Variants in PALB2 observed in about 807,000 individuals in gnomAD.
PALB2 encodes the protein mutant partner and localizer of BRCA2.
In PALB2, 82 loss-of-function variants were observed where a neutral mutation model predicts 107.4. The observed-to-expected ratio is 0.76, with a 90% CI of 0.64 to 0.92. PALB2 has a LOEUF of 0.92. PALB2 is among the 40% of genes least tolerant of loss of function. The probability of loss-of-function intolerance (pLI) is 0.00; values close to 1 mark genes in which losing one functional copy is unlikely to be tolerated. For missense variants in PALB2, 1,374 were observed against 1,379.9 expected (o/e 1.00, Z 0.07); for synonymous variants, 489 against 496.8 (o/e 0.98, Z 0.21).
chr16:23,639,807 G>C (rs1049324296), intron 1 of PALB2, among the ~76,000 whole-genome samples: 2 of 115,528 alleles, frequency 1.7e-5, no homozygotes, highest in South Asian at 5.2e-4. Flanking sequence ...GAGATAGAGC[G>C]GAGAGTCTGT....
At chr16:23,622,547 T>A (rs987352484) in intron 9 of PALB2, among the ~76,000 whole-genome samples, 1 of 152,082 alleles carries the variant, frequency 6.6e-6, no homozygotes, top group Non-Finnish European at 1.5e-5. Flanking sequence ...AGGCATGCTC[T>A]GCCACACCCA....
intron 3 of PALB2, among the ~76,000 whole-genome samples, chr16:23,637,571 T>C (rs1967091678): frequency 6.6e-6 from 1 of 151,586 alleles, no homozygotes; most frequent in Non-Finnish European, 1.5e-5. Context: ...GGTGTGGTAG[T>C]GCACGTGCCT....
Position 23,635,490 on chromosome 16 carries a change from C to CTCTGTTTGA in PALB2, c.1047_1055dup (p.Thr351_Glu352insAspGlnThr). 1 of 1,614,026 alleles carries CTCTGTTTGA rather than the reference C, an allele frequency of 6.2e-7. No individual in the cohort carries two copies. The highest frequency in any genetic ancestry group is 1.1e-5 in the South Asian group (1 of 91,074). On this transcript the variant is annotated inframe_insertion, in exon 4 of 13. Transcript: ENST00000261584. ...TGTCACTGGGAGATTTTAAAGATTTCTCTGTTTGATTTTGTTCTTTTAAGT... is the reference window on the plus strand; with the variant it reads ...TGTCACTGGGAGATTTTAAAGATTTCTCTGTTTGATCTGTTTGATTTTGTTCTTTTAAGT...
chr16:23,640,970 C>A, intron 1 of PALB2, 140 bp downstream of exon 1: 1 of 925,138 alleles, frequency 1.1e-6, no homozygotes, highest in Non-Finnish European at 1.6e-6. Context: ...TTTTCATTTT[C>A]TGTGCCCCCT....
intron 11 of PALB2, among the ~76,000 whole-genome samples, chr16:23,609,546 C>T (rs1966545327): frequency 6.6e-6 from 1 of 152,052 alleles, no homozygotes; most frequent in Non-Finnish European, 1.5e-5. Flanking sequence ...GAGACAGAGT[C>T]TTGCACTGTC....
chr16:23,604,714 C>T (rs1184613511), intron 12 of PALB2, among the ~76,000 whole-genome samples: 1 of 148,194 alleles, frequency 6.7e-6, no homozygotes, highest in Non-Finnish European at 1.5e-5. Flanking sequence ...TGCAGTGAGC[C>T]AAGATCGTGC....
In PALB2 at chr16:23,639,043, G is replaced by C. The variant is rs1967136173; in HGVS notation, c.49-914C>G. On this transcript the variant is annotated intron_variant, in intron 1 of 12. Transcript: ENST00000261584. ...TATTTATTAAATAAATAAATGAATT[G>C]GGCTGAATCAAATTACTGTTCTCTG... 3.3e-5 allele frequency among the ~76,000 whole-genome samples: 5 copies of C among 152,098 alleles called. 1 individual carries two copies. The South Asian group carries it at 8.3e-4, about 25-fold the overall frequency.
At position 23,612,439 on chromosome 16, in the gene PALB2, G is replaced by A. The variant is rs567225282; in HGVS notation, c.3201+1565C>T. On this transcript the variant is annotated intron_variant, in intron 11 of 12. Transcript: ENST00000261584. ...TTACCATGTTGGCCAGGCTGGTCTC[G>A]AACTACTGACCTCACATGATACACC... 5.9e-5 allele frequency among the ~76,000 whole-genome samples: 9 copies of A among 151,382 alleles called. No individual in the cohort carries two copies. In the South Asian group the frequency reaches 1.5e-3, roughly 25 times the overall value.
chr16:23,616,883 G>A (rs1001261817), intron 10 of PALB2, among the ~76,000 whole-genome samples: 4 of 151,154 alleles, frequency 2.6e-5, no homozygotes, highest in African/African-American at 7.3e-5. Flanking sequence ...CGTGATCTCC[G>A]CTCACTGCAA....
chr16:23,607,923 A>G lies in PALB2; in HGVS notation c.3291T>C (p.Pro1097=), dbSNP rs767472685. Reference sequence around the variant, plus strand: ...TCACACCCACGCTGAGAGTCGTCTTAGGGTTAATCACAATGAGCTGAAACA... The same window carrying G: ...TCACACCCACGCTGAGAGTCGTCTTGGGGTTAATCACAATGAGCTGAAACA... The part of the protein sequence containing the change: ...SPVFQLIVIN[P]KTTLSVGVML... The change falls in exon 12 of 13, where the codon CCT becomes CCC. Residue 1097 remains proline, a synonymous_variant. Transcript: ENST00000261584. 1.2e-6 allele frequency: 2 copies of G among 1,614,182 alleles called. No individual in the cohort carries two copies. The highest frequency in any genetic ancestry group is 2.2e-5 in the East Asian group (1 of 44,892).
chr16:23,631,566 A>C (rs1966878224), intron 4 of PALB2, among the ~76,000 whole-genome samples: 1 of 152,206 alleles, frequency 6.6e-6, no homozygotes, highest in Non-Finnish European at 1.5e-5. Context: ...CAAACAAAAC[A>C]AAACAGTGTA....
intron 10 of PALB2, among the ~76,000 whole-genome samples, chr16:23,614,687 G>T: frequency 8.6e-6 from 1 of 116,174 alleles, no homozygotes; most frequent in Non-Finnish European, 1.6e-5. Flanking sequence ...GTCTCGCTCT[G>T]TGGCCCAGGC....
intron 3 of PALB2, among the ~76,000 whole-genome samples, chr16:23,636,558 G>A (rs1967068023): frequency 6.6e-6 from 1 of 152,058 alleles, no homozygotes; most frequent in Non-Finnish European, 1.5e-5. Flanking sequence ...TCAAGGTGTT[G>A]ACTACTTCTA....
chr16:23,637,926 C>T lies in PALB2; in HGVS notation c.135G>A (p.Lys45=), dbSNP rs753270291. The T allele has an allele frequency of 1.2e-6, 2 of 1,614,022 alleles. No homozygotes were observed. The highest frequency in any genetic ancestry group is 1.7e-6 in the Non-Finnish European group (2 of 1,179,974). Residue 45 remains lysine (K), a synonymous_variant, in exon 3 of 13, where the codon AAG becomes AAA. Coordinates refer to ENST00000261584, the MANE Select transcript of PALB2 (RefSeq NM_024675.4). ...LQRAQRAEKI[K]HSIKKTVEEQ... ...CTTCTACTGTTTTCTTAATAGAATGCTTAATCTTTTCAGCTCTTTGGGCAC... is the reference window on the plus strand; with the variant it reads ...CTTCTACTGTTTTCTTAATAGAATGTTTAATCTTTTCAGCTCTTTGGGCAC...
At chr16:23,616,933 C>T (rs1187354861) in intron 10 of PALB2, among the ~76,000 whole-genome samples, 1 of 152,044 alleles carries the variant, frequency 6.6e-6, no homozygotes, top group Non-Finnish European at 1.5e-5. Flanking sequence ...CTGCCTCAGC[C>T]TCCCGAGTAG....
intron 11 of PALB2, 130 bp downstream of exon 11, chr16:23,613,874 A>C: frequency 1.4e-6 from 1 of 714,164 alleles, no homozygotes. Flanking sequence ...AAGAAAGGAC[A>C]AACATTGCTA....
chr16:23,603,514 G>A lies in PALB2; in HGVS notation c.3506C>T (p.Ser1169Phe). The A allele has an allele frequency of 6.2e-7, 1 of 1,614,034 alleles. No homozygotes were observed. Among genetic ancestry groups the A allele is most frequent in the Non-Finnish European group, 8.5e-7 (1 of 1,179,988 alleles). Reference sequence around the variant, plus strand: ...ATCTTTTTGTCCAGCCAGCAAATGAGAGTCTGTACCCGACCATTTCACAAA... The same window carrying A: ...ATCTTTTTGTCCAGCCAGCAAATGAAAGTCTGTACCCGACCATTTCACAAA... ...WSFVKWSGTD[S>F]HLLAGQKDGN... The change falls in exon 13 of 13, where the codon TCT becomes TTT. Residue 1169 changes from serine to phenylalanine, a missense_variant. Coordinates refer to ENST00000261584, the MANE Select transcript of PALB2 (RefSeq NM_024675.4).
At position 23,635,353 on chromosome 16, in the gene PALB2, A is replaced by G. The variant is rs1461956026; in HGVS notation, c.1193T>C (p.Val398Ala). 6.2e-7 allele frequency: 1 copy of G among 1,614,052 alleles called. No individual in the cohort carries two copies. The highest frequency in any genetic ancestry group is 1.1e-5 in the South Asian group (1 of 91,090). Residue 398 changes from valine to alanine, a missense_variant, in exon 4 of 13, where the codon GTG becomes GCG. Coordinates refer to ENST00000261584, the MANE Select transcript of PALB2 (RefSeq NM_024675.4). ...TGCAGGAAACAGAAGGCCTTCAGGC[A>G]CTGTGCAAGAATGTTTTTCTGCAGA... ...PLSAEKHSCT[V>A]PEGLLFPAEY...
In PALB2 at chr16:23,614,193, G is replaced by A. The variant is rs369771792; in HGVS notation, c.3114-102C>T. 3.9e-5 allele frequency: 32 copies of A among 825,940 alleles called. 1 individual carries two copies. Among genetic ancestry groups the A allele is most frequent in the Middle Eastern group, 3.5e-4 (1 of 2,886 alleles). The allele number at this position is 825,940 out of a possible 1,614,324, so 51.2% of individuals were successfully genotyped here. ...ATAGCATGTCTTAGGAGGTGACCAG[G>A]GAAAAAACTAAGAGCTCCTTAGTTT... On this transcript the variant is annotated intron_variant, in intron 10 of 12. Transcript: ENST00000261584.
Sources: gnomAD v4.1 joint callset for allele counts (sites outside exome capture counted in the v4.1 genomes callset) on GRCh38, gnomAD v4.1.1 for gene constraint, MANE v1.5 for transcripts, NCBI Gene and HGNC (gene_info 2026-07-23, HGNC 2026-07-21) for gene names.